Variants in GDF1 observed in about 807,000 individuals in gnomAD.
GDF1 encodes growth differentiation factor 1.
Under a neutral mutation model 7.4 loss-of-function variants are expected in GDF1, and 8 were observed. That is an observed-to-expected ratio of 1.09 (90% CI 0.64 to 1.96). The LOEUF (loss-of-function observed/expected upper bound fraction) is 1.96, where lower values mean the gene tolerates loss of function less well. GDF1 is among the 30% of genes most tolerant of loss of function. GDF1 has a pLI of 0.00. For synonymous variants in GDF1, 311 were observed against 276.7 expected (o/e 1.12, Z -1.23); for missense variants, 574 against 551.5 (o/e 1.04, Z -0.41).
rs2055945981 is a variant in GDF1, at chr19:18,870,348, G to A, written c.-41C>T. ...TGACCAGAGAGTGCGCAGGGTCCGC[G>A]GCGGCCCGGGACCAGTGGGCTGAGG... On this transcript the variant is annotated 5_prime_UTR_variant, in exon 7 of 8. Transcript: ENST00000247005. The surrounding 1 kb of genome is among the most constrained non-coding windows in gnomAD (Gnocchi z 5.1). 12 of 1,541,892 alleles carry A rather than the reference G, an allele frequency of 7.8e-6. No homozygotes were observed. The East Asian group carries it at 2.7e-4, about 35-fold the overall frequency.
In GDF1 at chr19:18,884,179, C is replaced by A; in HGVS notation, c.-825G>T. ...CCTTGCGCCAGGTGTCCATGTATAG[C>A]GTAGCGTAGATGGAGTGGCCATAGA... On this transcript the variant is annotated 5_prime_UTR_variant, in exon 3 of 8. Transcript: ENST00000247005. 1 of 1,613,664 alleles carries A rather than the reference C, an allele frequency of 6.2e-7. No individual in the cohort carries two copies. Among genetic ancestry groups the A allele is most frequent in the Non-Finnish European group, 8.5e-7 (1 of 1,179,814 alleles).
At position 18,895,899 on chromosome 19, in the gene GDF1, G is replaced by C. The variant is rs992534143; in HGVS notation, c.-1149C>G. ...CGCCGAGCGCCAGCAGCAGCAGCTC[G>C]GGCGGCGCCAGGTGCGCGTGCTCAG... is the stretch of plus-strand genomic sequence containing the variant. On this transcript the variant is annotated 5_prime_UTR_variant, in exon 1 of 8. Coordinates refer to ENST00000247005, the MANE Select transcript of GDF1 (RefSeq NM_001492.6). This position sits in a 1 kb window ranked among gnomAD's most constrained non-coding sequence, Gnocchi z 6.4. 165 of 1,261,570 alleles carry C rather than the reference G, an allele frequency of 1.3e-4. No homozygotes were observed. Among genetic ancestry groups the C allele is most frequent in the Non-Finnish European group, 1.6e-4 (161 of 1,003,294 alleles). 78.1% of individuals were successfully genotyped at this position (1,261,570 alleles called of 1,614,324 possible).
At chr19:18,879,199 G>A (rs1057471357) in intron 5 of GDF1, 42 bp downstream of exon 5, 1 of 1,611,400 alleles carries the variant, frequency 6.2e-7, no homozygotes, top group African/African-American at 1.3e-5. Context: ...ATTGGGACGA[G>A]GACGGGACCG....
chr19:18,882,663 G>A (rs2056241852), intron 3 of GDF1, among the ~76,000 whole-genome samples: 1 of 150,194 alleles, frequency 6.7e-6, no homozygotes, highest in Non-Finnish European at 1.5e-5. Context: ...AAATAAATAA[G>A]ATAAAGTAAT....
At chr19:18,885,645 A>C (rs1483414318) in intron 2 of GDF1, among the ~76,000 whole-genome samples, 1 of 147,614 alleles carries the variant, frequency 6.8e-6, no homozygotes, top group Non-Finnish European at 1.5e-5. Flanking sequence ...TCAGCATGCC[A>C]AGTAGCTGGG....
chr19:18,891,046 C>T (rs2056477908), intron 2 of GDF1, among the ~76,000 whole-genome samples: 1 of 151,886 alleles, frequency 6.6e-6, no homozygotes, highest in Non-Finnish European at 1.5e-5. Flanking sequence ...ATCGCTTGAA[C>T]CTGGGAGGTG....
rs1395718829 is a variant in GDF1, at chr19:18,895,461, G to T, written c.-1074+363C>A. On this transcript the variant is annotated intron_variant, in intron 1 of 7. Transcript: ENST00000247005. This position sits in a 1 kb window ranked among gnomAD's most constrained non-coding sequence, Gnocchi z 6.4. ...CGCGGTGGCCGGAGCCATCCACCGC[G>T]CGGGGCCCCCTGGTCCCAAACTGAC... Among the ~76,000 whole-genome samples the T allele has an allele frequency of 6.6e-6, 1 of 151,512 alleles. No individual in the cohort carries two copies. The highest frequency in any genetic ancestry group is 1.5e-5 in the Non-Finnish European group (1 of 67,856).
intron 3 of GDF1, among the ~76,000 whole-genome samples, chr19:18,882,748 A>C (rs1410694151): frequency 1.3e-5 from 2 of 151,514 alleles, no homozygotes; most frequent in African/African-American, 4.8e-5. Context: ...GCTGGAGTGC[A>C]GTGGCATGAT....
At chr19:18,877,986 A>C (rs2056092793) in intron 6 of GDF1, 1 of 985,318 alleles carries the variant, frequency 1.0e-6, no homozygotes, top group South Asian at 4.7e-5. Context: ...CCTTCCAAAC[A>C]GGGTGGGGGG....
At chr19:18,871,953 T>G (rs2055978371) in intron 6 of GDF1, among the ~76,000 whole-genome samples, 1 of 152,176 alleles carries the variant, frequency 6.6e-6, no homozygotes, top group African/African-American at 2.4e-5. Context: ...CATCGACACC[T>G]TTGGTATAAG....
chr19:18,884,310 C>G, intron 2 of GDF1, 43 bp from the exon 3 acceptor site: 1 of 1,555,476 alleles, frequency 6.4e-7, no homozygotes, highest in South Asian at 1.2e-5. Flanking sequence ...TGCGAAGCCT[C>G]TAGACGATCG....
chr19:18,896,013 C>T lies in GDF1; in HGVS notation c.-1263G>A. 9.9e-7 allele frequency: 1 copy of T among 1,010,312 alleles called. No homozygotes were observed. The highest frequency in any genetic ancestry group is 1.2e-6 in the Non-Finnish European group (1 of 847,134). 62.6% of individuals were successfully genotyped at this position (1,010,312 alleles called of 1,614,324 possible). The stretch of plus-strand genomic sequence containing the variant: ...TGCCCCAGCCGCGCTGCACTAGCTG[C>T]GCGTAGCTCGGCATGGGCTCGGGCC... On this transcript the variant is annotated 5_prime_UTR_variant, in exon 1 of 8. Coordinates refer to ENST00000247005, the MANE Select transcript of GDF1 (RefSeq NM_001492.6). The surrounding 1 kb of genome is among the most constrained non-coding windows in gnomAD (Gnocchi z 5.9).
At position 18,869,232 on chromosome 19, in the gene GDF1, C is replaced by T. The variant is rs1447624554; in HGVS notation, c.484G>A (p.Gly162Ser). Residue 162 changes from glycine (G) to serine (S), a missense_variant, in exon 8 of 8, where the codon GGC becomes AGC. By Grantham distance (56) the Gly-to-Ser change is moderately conservative. Transcript: ENST00000247005. ...AAAAAAAPEG[G>S]WELSVAQAGQ... ...GCTTGCGCCACGCTCAGCTCCCAGC[C>T]GCCCTCCGGGGCTGCCGCCGCCGCC... 1.4e-6 allele frequency: 2 copies of T among 1,391,228 alleles called. No homozygotes were observed. Among genetic ancestry groups the T allele is most frequent in the African/African-American group, 3.1e-5 (2 of 65,130 alleles). The allele number at this position is 1,391,228 out of a possible 1,614,324, so 86.2% of individuals were successfully genotyped here. A position where few individuals can be genotyped will look rare whatever the true frequency, so the allele number is the denominator to read the frequency against.
chr19:18,871,954 T>C (rs1037436677), intron 6 of GDF1, among the ~76,000 whole-genome samples: 1 of 152,182 alleles, frequency 6.6e-6, no homozygotes, highest in Non-Finnish European at 1.5e-5. Context: ...ATCGACACCT[T>C]TGGTATAAGG....
chr19:18,878,694 C>T lies in GDF1; in HGVS notation c.-313+236G>A. The T allele has an allele frequency of 4.4e-6, 6 of 1,360,238 alleles. No individual in the cohort carries two copies. Among genetic ancestry groups the T allele is most frequent in the Non-Finnish European group, 4.8e-6 (5 of 1,052,244 alleles). The allele number at this position is 1,360,238 out of a possible 1,614,324, so 84.3% of individuals were successfully genotyped here. ...AGTGTCCCTACCGCTGAGACCCTGC[C>T]TGTCGCCCTGCCTGCCCCTCCCCAG... On this transcript the variant is annotated intron_variant, in intron 6 of 7. Coordinates refer to ENST00000247005, the MANE Select transcript of GDF1 (RefSeq NM_001492.6). This position sits in a 1 kb window ranked among gnomAD's most constrained non-coding sequence, Gnocchi z 4.6.
chr19:18,884,599 G>A (rs2056303995), intron 2 of GDF1, among the ~76,000 whole-genome samples: 1 of 151,738 alleles, frequency 6.6e-6, no homozygotes, highest in African/African-American at 2.4e-5. Context: ...AGTAGAGACG[G>A]GGTTTCACTG....
chr19:18,891,344 G>C (rs930550251), intron 2 of GDF1, among the ~76,000 whole-genome samples: 4 of 152,120 alleles, frequency 2.6e-5, no homozygotes, highest in African/African-American at 9.7e-5. Flanking sequence ...GTGTGTCCCT[G>C]GCCCACAGCC....
At position 18,873,590 on chromosome 19, in the gene GDF1, C is replaced by CACTT. The variant is rs536502863; in HGVS notation, c.-312-2975_-312-2972dup. ...TGGTGGCTGATACCTGTAATCCTAG[C>CACTT]ACTTTGGGAGGCCAAGATGGGTGGA... On this transcript the variant is annotated intron_variant, in intron 6 of 7. Coordinates refer to ENST00000247005, the MANE Select transcript of GDF1 (RefSeq NM_001492.6). Among the ~76,000 whole-genome samples, 319 of 152,120 alleles carry CACTT rather than the reference C, an allele frequency of 2.1e-3. 2 individuals are homozygous for CACTT. The highest frequency in any genetic ancestry group is 7.4e-3 in the African/African-American group (306 of 41,506).
In GDF1 at chr19:18,876,266, G is replaced by A. The variant is rs964619429; in HGVS notation, c.-313+2664C>T. Among the ~76,000 whole-genome samples the A allele has an allele frequency of 3.9e-5, 6 of 152,284 alleles. No individual in the cohort carries two copies. The South Asian group carries it at 6.2e-4, about 16-fold the overall frequency. On this transcript the variant is annotated intron_variant, in intron 6 of 7. Coordinates refer to ENST00000247005, the MANE Select transcript of GDF1 (RefSeq NM_001492.6). ...CTCCCAAAGTGCTGGGATTACAGGC[G>A]TGAGCCACCGCGCCTGGTCTTCAAT...
Sources: allele counts gnomAD v4.1 joint callset (sites outside exome capture counted in the v4.1 genomes callset), GRCh38; gene constraint gnomAD v4.1.1; non-coding constraint Gnocchi (gnomAD v3.1); transcripts MANE v1.5; gene names NCBI Gene and HGNC (gene_info 2026-07-23, HGNC 2026-07-21).